The following ITGB3 variants were observed in gnomAD, a reference collection of about 807,000 sequenced individuals.
ITGB3 encodes integrin beta-3.
Under a neutral mutation model 85.8 loss-of-function variants are expected in ITGB3, and 48 were observed. The observed-to-expected ratio is 0.56, with a 90% CI of 0.44 to 0.71. ITGB3 has a LOEUF of 0.71. Ranked by LOEUF, ITGB3 falls within the 30% of genes least tolerant of loss-of-function variation. The pLI is 0.00. For missense variants in ITGB3, 861 were observed against 1,019.1 expected (o/e 0.84, Z 2.11); for synonymous variants, 363 against 395.6 (o/e 0.92, Z 0.98).
At chr17:47,278,190 G>A (rs2065070363) in intron 2 of ITGB3, among the ~76,000 whole-genome samples, 1 of 152,182 alleles carries the variant, frequency 6.6e-6, no homozygotes, top group Admixed American at 6.5e-5. Flanking sequence ...CAATGGATGG[G>A]AGATGTTTTG....
At chr17:47,272,700 C>CTTCTTTCTTTCTTTCTTTCT (rs143829232) in intron 1 of ITGB3, among the ~76,000 whole-genome samples, 22 of 139,722 alleles carry the variant, frequency 1.6e-4, no homozygotes, top group Middle Eastern at 3.5e-3. Flanking sequence ...TCTTTCTTTC[C>CTTCTTTCTTTCTTTCTTTCT]TTCTTTCTTT....
At chr17:47,283,716 C>A (rs559111341) in intron 3 of ITGB3, among the ~76,000 whole-genome samples, 167 bp downstream of exon 3, 2 of 152,136 alleles carry the variant, frequency 1.3e-5, no homozygotes, top group African/African-American at 4.8e-5. Context: ...AAATAAGAGA[C>A]GTTAGGACTT....
At chr17:47,300,130 C>A (rs953722008) in intron 11 of ITGB3, among the ~76,000 whole-genome samples, 2 of 152,156 alleles carry the variant, frequency 1.3e-5, no homozygotes, top group East Asian at 1.9e-4. Context: ...TTGCACTGGG[C>A]CCCCAAATGA....
At chr17:47,272,150 A>G (rs1423441773) in intron 1 of ITGB3, among the ~76,000 whole-genome samples, 4 of 142,330 alleles carry the variant, frequency 2.8e-5, no homozygotes, top group African/African-American at 8.0e-5. Flanking sequence ...CCGCCTCCTG[A>G]GTTCATGCCA....
intron 9 of ITGB3, 95 bp downstream of exon 9, chr17:47,291,183 A>T (rs992436027): frequency 6.9e-7 from 1 of 1,453,500 alleles, no homozygotes; most frequent in Non-Finnish European, 9.6e-7. Flanking sequence ...GCCCCCTTCC[A>T]CCAGAAAAAA....
Position 47,274,521 on chromosome 17 carries a change from A to G in ITGB3, c.165+17A>G. 1 of 1,609,936 alleles carries G rather than the reference A, an allele frequency of 6.2e-7. No individual in the cohort carries two copies. Among genetic ancestry groups the G allele is most frequent in the Non-Finnish European group, 8.5e-7 (1 of 1,176,606 alleles). On this transcript the variant is annotated intron_variant, in intron 2 of 14. Transcript: ENST00000559488. Reference sequence around the variant, plus strand: ...TCTGATGAGGTAAGGAGCAGATACCAGACCTTGTTTCTTCTCCAGACTAAG... The same window carrying G: ...TCTGATGAGGTAAGGAGCAGATACCGGACCTTGTTTCTTCTCCAGACTAAG...
At chr17:47,269,182 G>T (rs888504844) in intron 1 of ITGB3, among the ~76,000 whole-genome samples, 5 of 152,172 alleles carry the variant, frequency 3.3e-5, no homozygotes, top group Admixed American at 2.0e-4. Flanking sequence ...TTCCTCTTAG[G>T]CCTCTGTGCC....
At chr17:47,265,272 A>G (rs2143043663) in intron 1 of ITGB3, among the ~76,000 whole-genome samples, 1 of 152,308 alleles carries the variant, frequency 6.6e-6, no homozygotes, top group South Asian at 2.1e-4. Context: ...ATGGAGATGC[A>G]AATCCATTTT....
chr17:47,288,544 T>A (rs2065113060), intron 6 of ITGB3, among the ~76,000 whole-genome samples: 1 of 152,130 alleles, frequency 6.6e-6, no homozygotes, highest in South Asian at 2.1e-4. Context: ...CTAGGTGACT[T>A]AAAGGTGTAC....
chr17:47,259,344 AGGGT>A (rs1368186110), intron 1 of ITGB3: 1 of 2,820 alleles, frequency 3.5e-4, no homozygotes, highest in Non-Finnish European at 7.5e-4. Context: ...TTTTTTTGGG[AGGGT>A]GGGTGGGTGG....
intron 1 of ITGB3, among the ~76,000 whole-genome samples, chr17:47,262,749 A>C (rs183158455): frequency 1.3e-5 from 2 of 152,314 alleles, no homozygotes; most frequent in African/African-American, 4.8e-5. Flanking sequence ...TGTTAGAGAC[A>C]AAGGGCCCTT....
chr17:47,291,136 C>G (rs1292916294), intron 9 of ITGB3, 48 bp downstream of exon 9: 1 of 1,612,304 alleles, frequency 6.2e-7, no homozygotes, highest in East Asian at 2.2e-5. Flanking sequence ...CTGTGGGCAC[C>G]CAACCCCCTT....
chr17:47,283,371 A>G lies in ITGB3; in HGVS notation c.183A>G (p.Ser61=), dbSNP rs2065090761. ...TCTTACAGGCCCTGCCTCTGGGCTCACCTCGCTGTGACCTGAAGGAGAATC... is the reference window on the plus strand; with the variant it reads ...TCTTACAGGCCCTGCCTCTGGGCTCGCCTCGCTGTGACCTGAAGGAGAATC... ...WCSDEALPLG[S]PRCDLKENLL... Residue 61 remains serine, a synonymous_variant, in exon 3 of 15, where the codon TCA becomes TCG. Transcript: ENST00000559488. 1.2e-6 allele frequency: 2 copies of G among 1,614,188 alleles called. No individual in the cohort carries two copies. Among genetic ancestry groups the G allele is most frequent in the Non-Finnish European group, 8.5e-7 (1 of 1,180,022 alleles).
At chr17:47,255,715 CGGCCAAGGGTATCTTGAAGGA>C (rs990502272) in intron 1 of ITGB3, among the ~76,000 whole-genome samples, 3 of 152,058 alleles carry the variant, frequency 2.0e-5, no homozygotes, top group Non-Finnish European at 4.4e-5. Flanking sequence ...CCACCGCACC[CGGCCAAGGGTATCTTGAAGGA>C]GGGATTACAG....
chr17:47,264,754 C>T (rs1224732781), intron 1 of ITGB3, among the ~76,000 whole-genome samples: 1 of 152,182 alleles, frequency 6.6e-6, no homozygotes, highest in African/African-American at 2.4e-5. Context: ...AATGTCTGTG[C>T]CTTGGATCGT....
At chr17:47,276,301 G>A (rs976872098) in intron 2 of ITGB3, among the ~76,000 whole-genome samples, 1 of 152,218 alleles carries the variant, frequency 6.6e-6, no homozygotes, top group Non-Finnish European at 1.5e-5. Context: ...GACTAGCCAT[G>A]CAGCTGAGGT....
rs542442076 is a variant in ITGB3, at chr17:47,310,077, C to T, written c.2302-62C>T. 11 of 1,416,544 alleles carry T rather than the reference C, an allele frequency of 7.8e-6. No homozygotes were observed. The African/African-American group carries it at 1.3e-4, about 16-fold the overall frequency. The allele number at this position is 1,416,544 out of a possible 1,614,324, so 87.7% of individuals were successfully genotyped here. A position where few individuals can be genotyped will look rare whatever the true frequency, so the allele number is the denominator to read the frequency against. On this transcript the variant is annotated intron_variant, in intron 14 of 14. Coordinates refer to ENST00000559488, the MANE Select transcript of ITGB3 (RefSeq NM_000212.3). Reference sequence around the variant, plus strand: ...GAAAACTTCTGAGATGAATTTTAAACATTCAGGGTAGGGAAGGACTTAAGG... The same window carrying T: ...GAAAACTTCTGAGATGAATTTTAAATATTCAGGGTAGGGAAGGACTTAAGG...
chr17:47,272,953 T>G (rs1036839409), intron 1 of ITGB3, among the ~76,000 whole-genome samples: 1 of 152,062 alleles, frequency 6.6e-6, no homozygotes, highest in Admixed American at 6.6e-5. Flanking sequence ...TTTGTATTTT[T>G]TAGCAGAGAT....
chr17:47,298,949 A>G (rs2065155766), intron 10 of ITGB3, among the ~76,000 whole-genome samples: 1 of 152,194 alleles, frequency 6.6e-6, no homozygotes, highest in African/African-American at 2.4e-5. Context: ...GCTTGCTTCT[A>G]GTTCTTAGAC....
Sources: gnomAD v4.1 joint callset for allele counts (sites outside exome capture counted in the v4.1 genomes callset) on GRCh38, gnomAD v4.1.1 for gene constraint, MANE v1.5 for transcripts, NCBI Gene and HGNC (gene_info 2026-07-23, HGNC 2026-07-21) for gene names.